The following ATP8A2 variants were observed in gnomAD, a reference collection of about 807,000 sequenced individuals.
ATP8A2 encodes phospholipid-transporting ATPase IB.
Under a neutral mutation model 165.6 loss-of-function variants are expected in ATP8A2, and 100 were observed. The observed-to-expected ratio is 0.60, with a 90% CI of 0.51 to 0.71. The LOEUF (loss-of-function observed/expected upper bound fraction) is 0.71, where lower values mean the gene tolerates loss of function less well. ATP8A2 is among the 30% of genes least tolerant of loss of function. The pLI is 0.00. For missense variants in ATP8A2, 1,227 were observed against 1,479.5 expected, an observed-to-expected ratio of 0.83 and a Z score of 2.80; for synonymous variants, 543 against 548.8, an observed-to-expected ratio of 0.99 and a Z score of 0.15.
intron 26 of ATP8A2, among the ~76,000 whole-genome samples, chr13:25,773,629 G>C (rs2044675563): frequency 2.0e-5 from 3 of 152,226 alleles, no homozygotes; most frequent in African/African-American, 7.2e-5. Context: ...GGCCAGAGGG[G>C]CTCTGTACTG....
Position 25,372,161 on chromosome 13 carries a change from C to A in ATP8A2, c.-52C>A, listed in dbSNP as rs2137887470. On this transcript the variant is annotated 5_prime_UTR_variant, in exon 1 of 37. Coordinates refer to ENST00000381655, the MANE Select transcript of ATP8A2 (RefSeq NM_016529.6). The surrounding 1 kb of genome is among the most constrained non-coding windows in gnomAD (Gnocchi z 4.8). ...GCGGCGGCCCCTGCGCCCAGCCCTG[C>A]GCGTAGCCTCCGTCTCTCGCCCGGG... 1.5e-6 allele frequency: 2 copies of A among 1,320,710 alleles called. No individual in the cohort carries two copies. The highest frequency in any genetic ancestry group is 1.0e-6 in the Non-Finnish European group (1 of 1,003,226). 81.8% of individuals were successfully genotyped at this position (1,320,710 alleles called of 1,614,324 possible). A position where few individuals can be genotyped will look rare whatever the true frequency, so the allele number is the denominator to read the frequency against.
intron 27 of ATP8A2, among the ~76,000 whole-genome samples, chr13:25,822,388 A>T (rs1951204761): frequency 6.6e-6 from 1 of 152,222 alleles, no homozygotes; most frequent in Non-Finnish European, 1.5e-5. Context: ...ACTAAATTAA[A>T]CATATTTATA....
intron 24 of ATP8A2, among the ~76,000 whole-genome samples, chr13:25,627,965 G>A (rs7328994): frequency 0.057 from 8,673 of 152,220 alleles, 547 homozygotes; most frequent in African/African-American, 0.14. Context: ...CCTGTCAGGT[G>A]AACTGAGTCT....
chr13:25,579,820 TCTGTGTGG>T lies in ATP8A2; in HGVS notation c.1883_1890del (p.Cys628LeufsTer3), dbSNP rs2039722172. ...GGCTGTCTTGCAGGCTTGCGGACTC[TCTGTGTGG>T]CTTATGCTGATCTCTCTGAGAATGA... On this transcript the variant is annotated frameshift_variant, in exon 22 of 37. Transcript: ENST00000381655. LOFTEE classifies it high-confidence loss of function. The T allele has an allele frequency of 2.5e-6, 4 of 1,613,114 alleles. No individual in the cohort carries two copies. Among genetic ancestry groups the T allele is most frequent in the Non-Finnish European group, 3.4e-6 (4 of 1,179,580 alleles).
intron 1 of ATP8A2, among the ~76,000 whole-genome samples, chr13:25,442,833 T>G (rs561395993): frequency 1.5e-3 from 222 of 152,320 alleles, no homozygotes; most frequent in African/African-American, 5.3e-3. Context: ...TTGCCCATTT[T>G]AAAATCTACT....
chr13:25,632,114 T>A (rs1321529217), intron 24 of ATP8A2, among the ~76,000 whole-genome samples: 1 of 152,120 alleles, frequency 6.6e-6, no homozygotes, highest in Non-Finnish European at 1.5e-5. Context: ...TCATAAAGGA[T>A]GTTATGGATG....
intron 33 of ATP8A2, among the ~76,000 whole-genome samples, chr13:25,879,276 A>G (rs549335276): frequency 6.6e-6 from 1 of 152,322 alleles, no homozygotes; most frequent in East Asian, 1.9e-4. Flanking sequence ...GAAGGTGGCT[A>G]CTGAGAGGGA....
chr13:25,862,492 TC>T, intron 33 of ATP8A2, 84 bp downstream of exon 33: 2 of 1,047,474 alleles, frequency 1.9e-6, no homozygotes, highest in Non-Finnish European at 3.0e-6. Context: ...GCACTGTGTG[TC>T]TTACAGCCAC....
In ATP8A2 at chr13:25,884,199, G is replaced by A. The variant is rs548300602; in HGVS notation, c.3183+21791G>A. 2.6e-5 allele frequency among the ~76,000 whole-genome samples: 4 copies of A among 152,254 alleles called. No homozygotes were observed. The South Asian group carries it at 8.3e-4, about 32-fold the overall frequency. On this transcript the variant is annotated intron_variant, in intron 33 of 36. Transcript: ENST00000381655. ...CCTTTGGGAGGGTCAGTGGCCCTTA[G>A]CAAACCAGGACAAGTTGGAGTTACA...
chr13:25,724,996 T>C (rs2043462130), intron 25 of ATP8A2, among the ~76,000 whole-genome samples: 1 of 152,102 alleles, frequency 6.6e-6, no homozygotes, highest in Admixed American at 6.5e-5. Context: ...ACCTGTAGAG[T>C]AAATGTCACC....
chr13:25,489,872 A>G (rs546325822), intron 2 of ATP8A2, among the ~76,000 whole-genome samples: 2 of 152,196 alleles, frequency 1.3e-5, no homozygotes, highest in Non-Finnish European at 2.9e-5. Flanking sequence ...TTTAATGCCA[A>G]TTTCTTCAGA....
intron 33 of ATP8A2, among the ~76,000 whole-genome samples, chr13:25,941,581 T>C (rs903584268): frequency 6.6e-6 from 1 of 152,160 alleles, no homozygotes; most frequent in Admixed American, 6.5e-5. Flanking sequence ...CCTAGAAGTA[T>C]CTCCTCACCC....
intron 1 of ATP8A2, among the ~76,000 whole-genome samples, chr13:25,387,275 T>A (rs563712509): frequency 6.6e-6 from 1 of 152,202 alleles, no homozygotes; most frequent in Non-Finnish European, 1.5e-5. Flanking sequence ...TGCTGCAGGG[T>A]CTAAATGGAC....
At chr13:25,963,133 C>T (rs547412618) in intron 34 of ATP8A2, among the ~76,000 whole-genome samples, 32 of 152,108 alleles carry the variant, frequency 2.1e-4, no homozygotes, top group African/African-American at 7.7e-4. Flanking sequence ...CAGTGGCTCA[C>T]GCCTGTAATC....
At chr13:26,002,560 A>AT (rs886131236) in intron 35 of ATP8A2, among the ~76,000 whole-genome samples, 1 of 148,344 alleles carries the variant, frequency 6.7e-6, no homozygotes, top group African/African-American at 2.6e-5. Context: ...AACTTAAAGT[A>AT]TTAAAAAAAA....
At chr13:25,670,632 A>T (rs2137746901) in intron 24 of ATP8A2, among the ~76,000 whole-genome samples, 2 of 152,330 alleles carry the variant, frequency 1.3e-5, no homozygotes, top group East Asian at 3.9e-4. Flanking sequence ...TTAAAATTTA[A>T]ATGAATTTGC....
At chr13:25,918,642 C>T (rs1158719317) in intron 33 of ATP8A2, among the ~76,000 whole-genome samples, 1 of 151,964 alleles carries the variant, frequency 6.6e-6, no homozygotes, top group African/African-American at 2.4e-5. Context: ...GTGAAAGCCT[C>T]CCCCCCGCAA....
chr13:25,387,141 C>T (rs1321902304), intron 1 of ATP8A2, among the ~76,000 whole-genome samples: 1 of 152,114 alleles, frequency 6.6e-6, no homozygotes, highest in Admixed American at 6.5e-5. Context: ...AGTGAATAAC[C>T]GGAGAAACAT....
chr13:25,727,487 C>T (rs148112481), intron 25 of ATP8A2, among the ~76,000 whole-genome samples: 86 of 152,230 alleles, frequency 5.6e-4, no homozygotes, highest in Non-Finnish European at 9.1e-4. Context: ...TTGGACAACA[C>T]GATACACTCT....
Sources: gnomAD v4.1 joint callset for allele counts (sites outside exome capture counted in the v4.1 genomes callset) on GRCh38, gnomAD v4.1.1 for gene constraint, Gnocchi (gnomAD v3.1) non-coding constraint, MANE v1.5 for transcripts, NCBI Gene and HGNC (gene_info 2026-07-23, HGNC 2026-07-21) for gene names.